SEC14L5: variants seen among roughly 807,000 people sequenced by gnomAD.
The protein encoded by SEC14L5 is SEC14 like lipid binding 5, also known as SEC14-like protein 5.
A neutral mutation model predicts 84.6 loss-of-function variants in SEC14L5; 96 were observed. That is an observed-to-expected ratio of 1.13 (90% CI 0.96 to 1.34). The LOEUF (loss-of-function observed/expected upper bound fraction) is 1.34. SEC14L5 is among the 40% of genes most tolerant of loss of function. The probability of loss-of-function intolerance (pLI) is 0.00; values close to 1 mark genes in which losing one functional copy is unlikely to be tolerated. For synonymous variants in SEC14L5, 546 were observed against 383.4 expected (o/e 1.42, Z -4.95); for missense variants, 1,224 against 942.5 (o/e 1.30, Z -3.91).
intron 2 of SEC14L5, among the ~76,000 whole-genome samples, chr16:4,974,048 G>T (rs770455311): frequency 6.6e-6 from 1 of 151,990 alleles, no homozygotes; most frequent in Non-Finnish European, 1.5e-5. Context: ...AAGTAGATGA[G>T]TCGGATGAGT....
intron 2 of SEC14L5, among the ~76,000 whole-genome samples, chr16:4,977,944 G>A (rs1436815273): frequency 6.6e-6 from 1 of 150,420 alleles, no homozygotes. Flanking sequence ...GGGATTACAG[G>A]TGCGCACCAC....
rs1402393581 is a variant in SEC14L5, at chr16:5,018,733, AT to A, written c.*3766del. On this transcript the variant is annotated 3_prime_UTR_variant, in exon 16 of 16. Coordinates refer to ENST00000251170, the MANE Select transcript of SEC14L5 (RefSeq NM_014692.2). ...TCTGAGGGAGTGTATTCTGAGTGGT[AT>A]TTCCCTTGGCAGTTAGAAAATGTTT... The A allele has an allele frequency of 2.0e-5, 3 of 152,124 alleles. No homozygotes were observed. Among genetic ancestry groups the A allele is most frequent in the African/African-American group, 7.2e-5 (3 of 41,416 alleles). The allele number at this position is 152,124 out of a possible 1,614,324, so 9.4% of individuals were successfully genotyped here.
rs1457827145 is a variant in SEC14L5 at position 5,008,544 on chromosome 16, G to A, written c.1696G>A (p.Gly566Arg). 2 of 1,609,432 alleles carry A rather than the reference G, an allele frequency of 1.2e-6. No homozygotes were observed. Among genetic ancestry groups the A allele is most frequent in the Non-Finnish European group, 1.7e-6 (2 of 1,178,304 alleles). The part of the protein sequence containing the change: ...QAPRLGAREP[G>R]TRASGQLIDK... The stretch of plus-strand genomic sequence containing the variant: ...GCCCAGGCTGGGCGCCCGGGAACCG[G>A]GGACCAGGGCCAGCGGGCAGCTGAT... The change falls in exon 14 of 16, where the codon GGG (glycine) becomes AGG (arginine). Residue 566 changes from glycine (G) to arginine (R), a missense_variant. Coordinates refer to ENST00000251170, the MANE Select transcript of SEC14L5 (RefSeq NM_014692.2).
chr16:4,972,423 G>T (rs761045018), intron 2 of SEC14L5, among the ~76,000 whole-genome samples: 5 of 152,170 alleles, frequency 3.3e-5, no homozygotes, highest in Admixed American at 1.3e-4. Context: ...TGTCTCCACT[G>T]TCCATCTCCA....
intron 8 of SEC14L5, among the ~76,000 whole-genome samples, chr16:4,998,895 A>C (rs1328081073): frequency 6.6e-6 from 1 of 152,156 alleles, no homozygotes; most frequent in Non-Finnish European, 1.5e-5. Context: ...TTATTGCTGA[A>C]ATTTACTTGT....
At chr16:4,969,820 C>CTTTTTTTTTTTTTT (rs1050575299) in intron 2 of SEC14L5, among the ~76,000 whole-genome samples, 1 of 141,306 alleles carries the variant, frequency 7.1e-6, no homozygotes, top group Non-Finnish European at 1.5e-5. Context: ...TTTTTCTTTC[C>CTTTTTTTTTTTTTT]TTTTTTTTTT....
At position 4,983,347 on chromosome 16, in the gene SEC14L5, ATCC is replaced by A. The variant is rs534218721; in HGVS notation, c.64-4209_64-4207del. 8.0e-3 allele frequency among the ~76,000 whole-genome samples: 1,212 copies of A among 151,454 alleles called. 7 individuals carry two copies. The highest frequency in any genetic ancestry group is 0.028 in the African/African-American group (1,157 of 41,408). On this transcript the variant is annotated intron_variant, in intron 2 of 15. Transcript: ENST00000251170. ...TATTTATATATGGAATATATTATGT[ATCC>A]ATATATGAAATAATATATTTACATG... is the stretch of plus-strand genomic sequence containing the variant.
Position 5,011,095 on chromosome 16 carries a change from G to A in SEC14L5, c.1801G>A (p.Gly601Ser). 1 of 1,596,226 alleles carries A rather than the reference G, an allele frequency of 6.3e-7. No homozygotes were observed. Among genetic ancestry groups the A allele is most frequent in the South Asian group, 1.1e-5 (1 of 88,450 alleles). ...TCAGGGCAGGGCTGATGTGTTTCAG[G>A]GCTCCCATGTGACCCGGTGGCCCGG... ...LVCREGESIQ[G>S]SHVTRWPGVY... The change falls in exon 15 of 16, where the codon GGC becomes AGC. Residue 601 changes from glycine to serine, a missense_variant and splice_region_variant. Coordinates refer to ENST00000251170, the MANE Select transcript of SEC14L5 (RefSeq NM_014692.2).
At position 4,987,671 on chromosome 16, in the gene SEC14L5, C is replaced by G. The variant is rs375888958; in HGVS notation, c.178C>G (p.Arg60Gly). 3.2e-6 allele frequency: 5 copies of G among 1,543,142 alleles called. No individual in the cohort carries two copies. The highest frequency in any genetic ancestry group is 4.4e-6 in the Non-Finnish European group (5 of 1,147,190). The change falls in exon 3 of 16, where the codon CGG (arginine) becomes GGG (glycine). Residue 60 changes from arginine (R) to glycine (G), a missense_variant. Transcript: ENST00000251170. Reference sequence around the variant, plus strand: ...TGTGCACGTGGTGGAGCGGAGCTGCCGGCTGCGCGTGGACGCCCCGCGGCT... The same window carrying G: ...TGTGCACGTGGTGGAGCGGAGCTGCGGGCTGCGCGTGGACGCCCCGCGGCT... Reference protein sequence around the residue: ...GAVHVVERSCRLRVDAPRLLR... With the variant: ...GAVHVVERSCGLRVDAPRLLR...
intron 2 of SEC14L5, among the ~76,000 whole-genome samples, chr16:4,974,944 A>T (rs1482015722): frequency 6.6e-6 from 1 of 151,678 alleles, no homozygotes; most frequent in East Asian, 1.9e-4. Flanking sequence ...TGCCTGGCTA[A>T]TTTTTGTATT....
At chr16:4,959,592 T>C (rs1955094210) in intron 2 of SEC14L5, among the ~76,000 whole-genome samples, 1 of 152,118 alleles carries the variant, frequency 6.6e-6, no homozygotes, top group East Asian at 1.9e-4. Flanking sequence ...ACACAAAGTC[T>C]TTCTTCCTTC....
At chr16:4,980,591 G>T (rs1293677849) in intron 2 of SEC14L5, among the ~76,000 whole-genome samples, 1 of 152,164 alleles carries the variant, frequency 6.6e-6, no homozygotes, top group Non-Finnish European at 1.5e-5. Context: ...AGCATTGTTA[G>T]CGCCAAGGGT....
At chr16:4,995,346 T>C (rs1298782795) in intron 6 of SEC14L5, among the ~76,000 whole-genome samples, 3 of 152,156 alleles carry the variant, frequency 2.0e-5, no homozygotes, top group Non-Finnish European at 4.4e-5. Context: ...CTGGCAACAT[T>C]CCGACTACAA....
At chr16:4,982,061 C>T (rs554274572) in intron 2 of SEC14L5, among the ~76,000 whole-genome samples, 34 of 152,292 alleles carry the variant, frequency 2.2e-4, no homozygotes, top group African/African-American at 7.7e-4. Context: ...CCTATTCCAA[C>T]GCTGATGTGT....
At chr16:4,970,471 G>A (rs376264349) in intron 2 of SEC14L5, among the ~76,000 whole-genome samples, 3 of 152,318 alleles carry the variant, frequency 2.0e-5, no homozygotes, top group South Asian at 4.1e-4. Context: ...AGACGTTGGA[G>A]GTCTGGAGGC....
At position 4,984,210 on chromosome 16, in the gene SEC14L5, C is replaced by T. The variant is rs570714573; in HGVS notation, c.64-3347C>T. Reference sequence around the variant, plus strand: ...CATCTCTTTCCTCACCACTCCTGGTCCCTGGCAACCACTAATCTACTTTCT... The same window carrying T: ...CATCTCTTTCCTCACCACTCCTGGTTCCTGGCAACCACTAATCTACTTTCT... On this transcript the variant is annotated intron_variant, in intron 2 of 15. Coordinates refer to ENST00000251170, the MANE Select transcript of SEC14L5 (RefSeq NM_014692.2). Among the ~76,000 whole-genome samples the T allele has an allele frequency of 2.0e-3, 307 of 152,294 alleles. 2 individuals carry two copies. The highest frequency in any genetic ancestry group is 6.8e-3 in the African/African-American group (281 of 41,546).
Position 4,959,292 on chromosome 16 carries a change from C to T in SEC14L5, c.-32C>T, listed in dbSNP as rs771809175. ...CCCCAGGCTCTGTGCACACCCCTGC[C>T]TGGTGACCTCCATTGGTGCTCCAGC... On this transcript the variant is annotated 5_prime_UTR_variant, in exon 2 of 16. Coordinates refer to ENST00000251170, the MANE Select transcript of SEC14L5 (RefSeq NM_014692.2). 6.3e-7 allele frequency: 1 copy of T among 1,591,426 alleles called. No individual in the cohort carries two copies.
Position 5,014,985 on chromosome 16 carries a change from T to A in SEC14L5, c.*15T>A, listed in dbSNP as rs1252576339. The A allele has an allele frequency of 6.3e-7, 1 of 1,583,650 alleles. No individual in the cohort carries two copies. Among genetic ancestry groups the A allele is most frequent in the Non-Finnish European group, 8.6e-7 (1 of 1,158,074 alleles). On this transcript the variant is annotated 3_prime_UTR_variant, in exon 16 of 16. Transcript: ENST00000251170. ...TCTCCAGATAGCCGGGCCCAGTGTT[T>A]CAGGGCCGCCCGCTCGCCTCCAGTG...
rs1424031618 is a variant in SEC14L5 at position 5,018,208 on chromosome 16, T to G, written c.*3238T>G. On this transcript the variant is annotated 3_prime_UTR_variant, in exon 16 of 16. Transcript: ENST00000251170. ...ACAGCTCCCAGAACACAGAAAGCGC[T>G]CCATTAATGTCAGTGGTCATTCTGA... 6.6e-6 allele frequency: 1 copy of G among 152,230 alleles called. No individual in the cohort carries two copies. Among genetic ancestry groups the G allele is most frequent in the Non-Finnish European group, 1.5e-5 (1 of 68,036 alleles). The allele number at this position is 152,230 out of a possible 1,614,324, so 9.4% of individuals were successfully genotyped here.
Sources: gnomAD v4.1 joint callset for allele counts (sites outside exome capture counted in the v4.1 genomes callset) on GRCh38, gnomAD v4.1.1 for gene constraint, MANE v1.5 for transcripts, NCBI Gene and HGNC (gene_info 2026-07-23, HGNC 2026-07-21) for gene names.